The following EPHA6 variants were observed in gnomAD, a reference collection of about 807,000 sequenced individuals.
The protein encoded by EPHA6 is EPH receptor A6.
A neutral mutation model predicts 112.0 loss-of-function variants in EPHA6; 50 were observed. The ratio of observed to expected loss-of-function variants is 0.45; its 90% confidence interval spans 0.36 to 0.56. The LOEUF (loss-of-function observed/expected upper bound fraction) is 0.56, where lower values mean the gene tolerates loss of function less well. Among genes scored for constraint, EPHA6 ranks in the 20% least tolerant of loss-of-function variants. The pLI is 0.00. For missense variants in EPHA6, 1,280 were observed against 1,417.4 expected (o/e 0.90, Z 1.56); for synonymous variants, 529 against 490.7 (o/e 1.08, Z -1.03).
At chr3:97,702,756 T>A (rs945980847) in intron 14 of EPHA6, among the ~76,000 whole-genome samples, 1 of 152,210 alleles carries the variant, frequency 6.6e-6, no homozygotes, top group African/African-American at 2.4e-5. Flanking sequence ...ATTGAATCAC[T>A]TTTATTTATT....
intron 14 of EPHA6, among the ~76,000 whole-genome samples, chr3:97,687,655 G>A (rs1157282905): frequency 1.3e-5 from 2 of 152,152 alleles, no homozygotes; most frequent in Non-Finnish European, 2.9e-5. Flanking sequence ...TTGTTGAAAT[G>A]ATTAATGTAA....
chr3:97,625,855 C>A (rs1052054256), intron 13 of EPHA6, among the ~76,000 whole-genome samples: 1 of 151,528 alleles, frequency 6.6e-6, no homozygotes, highest in African/African-American at 2.4e-5. Context: ...AATCAAGGAA[C>A]CTAGTGGAGG....
At chr3:97,496,979 T>C (rs1455396253) in intron 10 of EPHA6, among the ~76,000 whole-genome samples, 1 of 152,156 alleles carries the variant, frequency 6.6e-6, no homozygotes, top group Non-Finnish European at 1.5e-5. Context: ...CAGCTCTGCC[T>C]TCAAATATAT....
At chr3:97,154,884 A>T (rs1374930731) in intron 3 of EPHA6, among the ~76,000 whole-genome samples, 1 of 152,216 alleles carries the variant, frequency 6.6e-6, no homozygotes, top group African/African-American at 2.4e-5. Flanking sequence ...TGACTAAAAT[A>T]TGCATACTTT....
chr3:97,206,978 A>G (rs1167508145), intron 3 of EPHA6, among the ~76,000 whole-genome samples: 1 of 152,156 alleles, frequency 6.6e-6, no homozygotes, highest in Non-Finnish European at 1.5e-5. Context: ...ATATGTAGTC[A>G]AACATGAGAG....
intron 5 of EPHA6, among the ~76,000 whole-genome samples, chr3:97,304,588 C>CCACACATCT (rs2081235224): frequency 1.3e-5 from 2 of 152,038 alleles, no homozygotes; most frequent in East Asian, 3.9e-4. Context: ...AGAAATAAGA[C>CCACACATCT]CACACATCTA....
chr3:97,025,787 C>G (rs2044617179), intron 3 of EPHA6, among the ~76,000 whole-genome samples: 1 of 152,044 alleles, frequency 6.6e-6, no homozygotes, highest in Admixed American at 6.6e-5. Context: ...TGGGGTTTCA[C>G]TCTGTTGACC....
intron 5 of EPHA6, among the ~76,000 whole-genome samples, chr3:97,286,936 C>G (rs1394785084): frequency 6.6e-6 from 1 of 150,606 alleles, no homozygotes; most frequent in Non-Finnish European, 1.5e-5. Context: ...TTGTAGTTTT[C>G]CTTGTAGAGG....
intron 3 of EPHA6, among the ~76,000 whole-genome samples, chr3:97,092,045 A>C (rs1219873876): frequency 6.6e-6 from 1 of 151,384 alleles, no homozygotes; most frequent in Non-Finnish European, 1.5e-5. Flanking sequence ...TCCTCAATTA[A>C]AATTTTGTGT....
intron 6 of EPHA6, among the ~76,000 whole-genome samples, chr3:97,407,104 T>C (rs2087399113): frequency 6.6e-6 from 1 of 152,080 alleles, no homozygotes; most frequent in Non-Finnish European, 1.5e-5. Context: ...ACTTGCAATA[T>C]TTCTAAGTTA....
chr3:97,592,727 G>A lies in EPHA6; in HGVS notation c.2502G>A (p.Arg834=). 2 of 1,593,434 alleles carry A rather than the reference G, an allele frequency of 1.3e-6. No individual in the cohort carries two copies. Among genetic ancestry groups the A allele is most frequent in the Non-Finnish European group, 1.7e-6 (2 of 1,173,056 alleles). ...PVPGGGSLPP[R]IPAGRPVMIV... is the part of the protein sequence containing the mutation. Reference sequence around the variant, plus strand: ...CAGGGGGAGGATCTTTGCCCCCCAGGATTCCTGCTGGTAGGTATTTCAGGT... The same window carrying A: ...CAGGGGGAGGATCTTTGCCCCCCAGAATTCCTGCTGGTAGGTATTTCAGGT... Residue 834 remains arginine (R), a synonymous_variant, in exon 12 of 18, where the codon AGG becomes AGA. Coordinates refer to ENST00000389672, the MANE Select transcript of EPHA6 (RefSeq NM_001080448.3).
At chr3:97,028,598 T>G (rs1439756515) in intron 3 of EPHA6, among the ~76,000 whole-genome samples, 1 of 152,116 alleles carries the variant, frequency 6.6e-6, no homozygotes, top group Non-Finnish European at 1.5e-5. Flanking sequence ...TACCATGATC[T>G]TCACAATCAA....
At chr3:97,243,201 G>T (rs1363144881) in intron 4 of EPHA6, among the ~76,000 whole-genome samples, 2 of 151,636 alleles carry the variant, frequency 1.3e-5, no homozygotes, top group Non-Finnish European at 2.9e-5. Context: ...GAATAGTGTG[G>T]GTCTCTTTTA....
At chr3:97,133,423 T>C (rs1389155761) in intron 3 of EPHA6, among the ~76,000 whole-genome samples, 2 of 152,052 alleles carry the variant, frequency 1.3e-5, no homozygotes, top group Non-Finnish European at 2.9e-5. Flanking sequence ...ATATGCTTTG[T>C]CTTCTGTTTT....
intron 3 of EPHA6, among the ~76,000 whole-genome samples, chr3:97,160,151 GACAAGGT>G (rs2076378841): frequency 6.6e-6 from 1 of 152,088 alleles, no homozygotes; most frequent in Non-Finnish European, 1.5e-5. Context: ...ATTGGGTAAT[GACAAGGT>G]GGCCGGGAAA....
chr3:97,489,023 T>C (rs2091768032), intron 10 of EPHA6, among the ~76,000 whole-genome samples: 1 of 152,260 alleles, frequency 6.6e-6, no homozygotes, highest in Admixed American at 6.5e-5. Flanking sequence ...TACTAGCTCA[T>C]TCTGTAAACT....
chr3:97,545,552 G>A (rs905216819), intron 11 of EPHA6, among the ~76,000 whole-genome samples: 1 of 152,184 alleles, frequency 6.6e-6, no homozygotes, highest in African/African-American at 2.4e-5. Flanking sequence ...TTGATTTGGG[G>A]TGGAGAGTTC....
At chr3:97,533,943 G>A (rs968433515) in intron 11 of EPHA6, among the ~76,000 whole-genome samples, 8 of 152,100 alleles carry the variant, frequency 5.3e-5, no homozygotes, top group African/African-American at 1.9e-4. Flanking sequence ...GTGCAGGAAA[G>A]GAACCATGCA....
At chr3:97,739,006 AACTGAG>A (rs1287434751) in intron 16 of EPHA6, among the ~76,000 whole-genome samples, 1 of 152,020 alleles carries the variant, frequency 6.6e-6, no homozygotes, top group Non-Finnish European at 1.5e-5. Flanking sequence ...GATTCCAGAG[AACTGAG>A]ACTGTTTAGG....
Sources: gnomAD v4.1 joint callset for allele counts (sites outside exome capture counted in the v4.1 genomes callset) on GRCh38, gnomAD v4.1.1 for gene constraint, MANE v1.5 for transcripts, NCBI Gene and HGNC (gene_info 2026-07-23, HGNC 2026-07-21) for gene names.